The following PALM2AKAP2 variants were observed in gnomAD, a reference collection of about 807,000 sequenced individuals.
PALM2AKAP2 encodes PALM2 and AKAP2 fusion.
A neutral mutation model predicts 71.5 loss-of-function variants in PALM2AKAP2; 37 were observed. The ratio of observed to expected loss-of-function variants is 0.52; its 90% CI spans 0.40 to 0.68. The LOEUF is 0.68. Among genes scored for constraint, PALM2AKAP2 ranks in the 30% least tolerant of loss-of-function variants. The probability of loss-of-function intolerance (pLI) is 0.00; values close to 1 mark genes in which losing one functional copy is unlikely to be tolerated. For synonymous variants in PALM2AKAP2, 468 were observed against 478.8 expected, an observed-to-expected ratio of 0.98 and a Z score of 0.29; for missense variants, 1,224 against 1,191.8, an observed-to-expected ratio of 1.03 and a Z score of -0.40.
intron 2 of PALM2AKAP2, chr9:110,148,751 G>A (rs1836239412): frequency 6.6e-6 from 1 of 152,216 alleles, no homozygotes; most frequent in Non-Finnish European, 1.5e-5. Flanking sequence ...ACGAGTGGGT[G>A]AAGGCTTTTT....
chr9:109,876,501 CAG>C (rs1334723094), intron 2 of PALM2AKAP2, among the ~76,000 whole-genome samples: 2 of 152,034 alleles, frequency 1.3e-5, no homozygotes, highest in African/African-American at 4.8e-5. Context: ...TTTTTTGAGA[CAG>C]AGTCATGCTC....
At chr9:109,655,164 C>T (rs60193315) in intron 1 of PALM2AKAP2, among the ~76,000 whole-genome samples, 5,023 of 151,912 alleles carry the variant, frequency 0.033, 116 homozygotes, top group African/African-American at 0.051. Flanking sequence ...GGTGTGGTGG[C>T]GGGCGCCTGT....
At chr9:109,659,228 G>T (rs1007606923) in intron 1 of PALM2AKAP2, among the ~76,000 whole-genome samples, 16 of 152,258 alleles carry the variant, frequency 1.1e-4, no homozygotes, top group African/African-American at 3.6e-4. Flanking sequence ...TTTGAGAGAT[G>T]ATTTAAATAC....
At chr9:110,074,034 T>A (rs1564290296) in intron 1 of PALM2AKAP2, among the ~76,000 whole-genome samples, 1 of 152,308 alleles carries the variant, frequency 6.6e-6, no homozygotes. Context: ...TTGGACAAAT[T>A]GGCAGTGTGC....
chr9:109,802,477 GA>G (rs763014754), intron 1 of PALM2AKAP2, among the ~76,000 whole-genome samples: 2 of 152,132 alleles, frequency 1.3e-5, no homozygotes, highest in African/African-American at 4.8e-5. Flanking sequence ...TTATATAGGG[GA>G]AAAATATAAT....
intron 1 of PALM2AKAP2, among the ~76,000 whole-genome samples, chr9:109,734,661 C>T (rs1016558831): frequency 3.3e-5 from 5 of 152,140 alleles, no homozygotes; most frequent in African/African-American, 1.2e-4. Context: ...GATTCCATGA[C>T]ATTTTAATTT....
upstream of PALM2AKAP2, among the ~76,000 whole-genome samples, chr9:110,046,588 C>T (rs888977756): frequency 1.3e-5 from 2 of 151,670 alleles, no homozygotes; most frequent in African/African-American, 2.4e-5. Context: ...CCTGTCTCAC[C>T]CTCCTGAGTA....
At chr9:110,168,642 A>G (rs1836792152) in exon 4 of PALM2AKAP2, 6 of 950,546 alleles carry the variant, frequency 6.3e-6, no homozygotes, top group Non-Finnish European at 6.0e-6. Context: ...GCAATATACA[A>G]TGATGAAAAT....
chr9:109,740,738 C>T (rs2118683891), intron 1 of PALM2AKAP2, among the ~76,000 whole-genome samples: 2 of 152,314 alleles, frequency 1.3e-5, no homozygotes, highest in South Asian at 4.1e-4. Context: ...ACTGCAACCT[C>T]CGCCTGCCGG....
intron 1 of PALM2AKAP2, among the ~76,000 whole-genome samples, chr9:109,745,933 G>T (rs1828793551): frequency 6.6e-6 from 1 of 152,112 alleles, no homozygotes. Flanking sequence ...CCATTAAAAA[G>T]GTATAATATG....
intron 1 of PALM2AKAP2, among the ~76,000 whole-genome samples, chr9:109,697,051 T>C (rs184065650): frequency 5.5e-4 from 83 of 152,284 alleles, no homozygotes; most frequent in African/African-American, 1.8e-3. Context: ...TTGAAAGCAC[T>C]TCTCGATAAA....
At chr9:109,699,333 A>T (rs925135726) in intron 1 of PALM2AKAP2, among the ~76,000 whole-genome samples, 5 of 152,250 alleles carry the variant, frequency 3.3e-5, no homozygotes, top group Non-Finnish European at 7.3e-5. Context: ...CAGGCAGTAT[A>T]AATCAAAAGC....
intron 1 of PALM2AKAP2, among the ~76,000 whole-genome samples, chr9:109,651,784 A>G (rs1027166336): frequency 1.1e-4 from 16 of 152,216 alleles, no homozygotes; most frequent in African/African-American, 3.4e-4. Context: ...TTTCTTATAT[A>G]TAACTTATAA....
In PALM2AKAP2 at chr9:110,025,059, C is replaced by T. The variant is rs150572374; in HGVS notation, c.582+9020C>T. On this transcript the variant is annotated intron_variant, in intron 7 of 9. Transcript: ENST00000302798. Reference sequence around the variant, plus strand: ...CTTCACACATTTCAGGAAGCTATCTCGGCTCAGAGTGCTTAATGTGCTCAA... The same window carrying T: ...CTTCACACATTTCAGGAAGCTATCTTGGCTCAGAGTGCTTAATGTGCTCAA... 1.2e-4 allele frequency: 139 copies of T among 1,148,026 alleles called. No individual in the cohort carries two copies. In the African/African-American group the frequency reaches 1.7e-3, roughly 14 times the overall value. 71.1% of individuals were successfully genotyped at this position (1,148,026 alleles called of 1,614,324 possible).
intron 1 of PALM2AKAP2, among the ~76,000 whole-genome samples, chr9:109,785,103 T>A (rs1369438986): frequency 6.6e-6 from 1 of 152,212 alleles, no homozygotes; most frequent in Non-Finnish European, 1.5e-5. Context: ...AAATGTTATA[T>A]AAATTGTCTT....
At chr9:109,644,718 CA>C (rs1432523745) in intron 1 of PALM2AKAP2, among the ~76,000 whole-genome samples, 3 of 152,160 alleles carry the variant, frequency 2.0e-5, no homozygotes, top group African/African-American at 7.2e-5. Context: ...TTTCTTCCAC[CA>C]GATGCCCTAA....
upstream of PALM2AKAP2, among the ~76,000 whole-genome samples, chr9:110,044,666 CTT>C (rs532878976): frequency 2.1e-5 from 3 of 144,004 alleles, no homozygotes; most frequent in Non-Finnish European, 1.5e-5. Flanking sequence ...CTTTTTCTTA[CTT>C]TTTTTTTTTT....
chr9:110,101,835 C>T (rs945035562), intron 1 of PALM2AKAP2, among the ~76,000 whole-genome samples: 11 of 152,170 alleles, frequency 7.2e-5, no homozygotes, highest in Non-Finnish European at 1.5e-4. Context: ...GTTCCCTTTC[C>T]TTTTGGATAT....
At chr9:109,904,650 G>T (rs1830404556) in intron 3 of PALM2AKAP2, among the ~76,000 whole-genome samples, 2 of 152,214 alleles carry the variant, frequency 1.3e-5, no homozygotes, top group Non-Finnish European at 2.9e-5. Flanking sequence ...TAGAAATGAT[G>T]GATGTGGTAG....
Sources: gnomAD v4.1 joint callset for allele counts (sites outside exome capture counted in the v4.1 genomes callset) on GRCh38, gnomAD v4.1.1 for gene constraint, MANE v1.5 for transcripts, NCBI Gene and HGNC (gene_info 2026-07-23, HGNC 2026-07-21) for gene names.